Variants in EXTL1 observed in about 807,000 individuals in gnomAD.
The protein encoded by EXTL1 is exostosin-like 1.
EXTL1 carries 43 observed loss-of-function variants against 64.6 expected under a neutral mutation model. The observed-to-expected ratio is 0.67, with a 90% CI of 0.52 to 0.86. The LOEUF is 0.86. EXTL1 is among the 40% of genes least tolerant of loss of function. EXTL1 has a pLI of 0.00. For missense variants in EXTL1, 766 were observed against 879.0 expected (o/e 0.87, Z 1.62); for synonymous variants, 352 against 360.5 (o/e 0.98, Z 0.27).
chr1:26,030,339 T>G, intron 3 of EXTL1, 137 bp from the exon 4 acceptor site: 6 of 631,924 alleles, frequency 9.5e-6, no homozygotes, highest in Admixed American at 3.6e-5. Context: ...TCTTTTTTTT[T>G]TTTTTTTTTT....
chr1:26,030,063 T>C (rs2050265635), intron 3 of EXTL1, among the ~76,000 whole-genome samples: 1 of 152,140 alleles, frequency 6.6e-6, no homozygotes, highest in African/African-American at 2.4e-5. Flanking sequence ...AGCGCCTCCA[T>C]GGGGACTGGA....
chr1:26,030,318 C>T (rs1023671302), intron 3 of EXTL1, among the ~76,000 whole-genome samples, 158 bp from the exon 4 acceptor site: 3 of 151,648 alleles, frequency 2.0e-5, no homozygotes, highest in African/African-American at 7.3e-5. Context: ...TCTGTGTGAC[C>T]CCTGAATGCT....
At chr1:26,028,664 C>A (rs974165266) in intron 1 of EXTL1, among the ~76,000 whole-genome samples, 2 of 152,156 alleles carry the variant, frequency 1.3e-5, no homozygotes, top group African/African-American at 4.8e-5. Context: ...GCCAGGGGAC[C>A]TCTGGGCAGC....
chr1:26,035,976 G>C lies in EXTL1; in HGVS notation c.*629G>C, dbSNP rs531760543. 1.3e-5 allele frequency: 2 copies of C among 152,664 alleles called. No individual in the cohort carries two copies. The highest frequency in any genetic ancestry group is 2.9e-5 in the Non-Finnish European group (2 of 68,072). The allele number at this position is 152,664 out of a possible 1,614,324, so 9.5% of individuals were successfully genotyped here. A position where few individuals can be genotyped will look rare whatever the true frequency, so the allele number is the denominator to read the frequency against. On this transcript the variant is annotated 3_prime_UTR_variant, in exon 11 of 11. Coordinates refer to ENST00000374280, the MANE Select transcript of EXTL1 (RefSeq NM_004455.3). The surrounding 1 kb of genome is among the most constrained non-coding windows in gnomAD (Gnocchi z 5.3). ...GAAGGCAACTACCCAAAGACGCCTG[G>C]GTTGTCAGGCTCAATCCTTGAGCCT...
chr1:26,029,124 G>T, intron 1 of EXTL1, 69 bp from the exon 2 acceptor site: 1 of 1,178,344 alleles, frequency 8.5e-7, no homozygotes, highest in South Asian at 1.3e-5. Context: ...CTCCCATTGA[G>T]GGAGCCCAGG....
At chr1:26,024,243 A>C (rs893434534) in intron 1 of EXTL1, among the ~76,000 whole-genome samples, 2 of 152,128 alleles carry the variant, frequency 1.3e-5, no homozygotes, top group Non-Finnish European at 2.9e-5. Context: ...CTGTGTCCCC[A>C]GCAGGCCAGC....
chr1:26,030,334 T>A (rs2050268416), intron 3 of EXTL1, 142 bp from the exon 4 acceptor site: 1 of 488,524 alleles, frequency 2.0e-6, no homozygotes, highest in African/African-American at 2.0e-5. Context: ...ATGCTTCTTT[T>A]TTTTTTTTTT....
Position 26,035,160 on chromosome 1 carries a change from C to A in EXTL1, c.1849-5C>A. The A allele has an allele frequency of 6.2e-7, 1 of 1,600,080 alleles. No individual in the cohort carries two copies. The highest frequency in any genetic ancestry group is 8.5e-7 in the Non-Finnish European group (1 of 1,172,116). Reference sequence around the variant, plus strand: ...CCGTTAATGCATTGCTTCTTTCCCTCTTAGGCGCCTGGGGGCCCGGGGCCC... The same window carrying A: ...CCGTTAATGCATTGCTTCTTTCCCTATTAGGCGCCTGGGGGCCCGGGGCCC... On this transcript the variant is annotated splice_polypyrimidine_tract_variant and splice_region_variant and intron_variant, in intron 10 of 10. Transcript: ENST00000374280. The surrounding 1 kb of genome is among the most constrained non-coding windows in gnomAD (Gnocchi z 5.3).
Position 26,022,811 on chromosome 1 carries a change from G to A in EXTL1, c.165G>A (p.Leu55=), listed in dbSNP as rs780708824. The A allele has an allele frequency of 1.7e-5, 28 of 1,614,056 alleles. No homozygotes were observed. The Middle Eastern group carries it at 4.9e-4, about 29-fold the overall frequency. Residue 55 remains leucine (L), a synonymous_variant, in exon 1 of 11, where the codon CTG becomes CTA. Transcript: ENST00000374280. ...CCCGCTGGCTGGATGCAGAGCTCCT[G>A]CAGAGCTTCTCCCAGCCTGGAGAGC... The part of the protein sequence containing the change: ...GWPRWLDAEL[L]QSFSQPGELP...
chr1:26,028,241 C>T lies in EXTL1; in HGVS notation c.780-952C>T, dbSNP rs2050239731. On this transcript the variant is annotated intron_variant, in intron 1 of 10. Transcript: ENST00000374280. ...GGAGCTGGCAAATCTCTGCTCTAGT[C>T]CCAGCTCCACTCAACCCTATCTGTG... 3.9e-5 allele frequency among the ~76,000 whole-genome samples: 6 copies of T among 152,204 alleles called. 1 individual carries two copies. Among genetic ancestry groups the T allele is most frequent in the Admixed American group, 3.9e-4 (6 of 15,280 alleles).
intron 2 of EXTL1, 58 bp from the exon 3 acceptor site, chr1:26,029,541 CG>C (rs1004346232): frequency 5.9e-6 from 6 of 1,020,558 alleles, no homozygotes; most frequent in Admixed American, 4.0e-5. Flanking sequence ...TGGAACTGGG[CG>C]GGGGGTGAGT....
At position 26,022,365 on chromosome 1, in the gene EXTL1, G is replaced by T; in HGVS notation, c.-282G>T. 2 of 395,032 alleles carry T rather than the reference G, an allele frequency of 5.1e-6. No homozygotes were observed. The highest frequency in any genetic ancestry group is 4.5e-6 in the Non-Finnish European group (1 of 220,574). The allele number at this position is 395,032 out of a possible 1,614,324, so 24.5% of individuals were successfully genotyped here. A position where few individuals can be genotyped will look rare whatever the true frequency, so the allele number is the denominator to read the frequency against. On this transcript the variant is annotated 5_prime_UTR_variant, in exon 1 of 11. Transcript: ENST00000374280. The stretch of plus-strand genomic sequence containing the variant: ...AGGGGTCCCTGCTGGGAGGGAAAAG[G>T]CTGGCTTGGTTGTCCAAAGGCCGAG...
chr1:26,030,717 G>T, intron 4 of EXTL1, 122 bp downstream of exon 4: 1 of 1,121,554 alleles, frequency 8.9e-7, no homozygotes. Context: ...GATGGTCCTG[G>T]GATGAATCTG....
At chr1:26,029,394 C>T in intron 2 of EXTL1, 108 bp downstream of exon 2, 1 of 910,794 alleles carries the variant, frequency 1.1e-6, no homozygotes, top group Non-Finnish European at 1.8e-6. Context: ...CTGCCTGCTC[C>T]TTTACTCCTG....
chr1:26,033,974 G>A lies in EXTL1; in HGVS notation c.1679+118G>A, dbSNP rs557560496. The A allele has an allele frequency of 6.0e-6, 5 of 830,662 alleles. No individual in the cohort carries two copies. The highest frequency in any genetic ancestry group is 1.9e-5 in the African/African-American group (1 of 54,022). 51.5% of individuals were successfully genotyped at this position (830,662 alleles called of 1,614,324 possible). The stretch of plus-strand genomic sequence containing the variant: ...GGATCCAGGTTCAAGGCCGAGATCT[G>A]CCACTTCCCAGCTGTGGGATCCTGG... On this transcript the variant is annotated intron_variant, in intron 9 of 10. Transcript: ENST00000374280. This position sits in a 1 kb window ranked among gnomAD's most constrained non-coding sequence, Gnocchi z 5.1.
intron 7 of EXTL1, among the ~76,000 whole-genome samples, chr1:26,032,719 T>C (rs2050301246): frequency 6.6e-6 from 1 of 152,246 alleles, no homozygotes; most frequent in East Asian, 1.9e-4. Flanking sequence ...AGGAGAGCGC[T>C]GACATCTCAG....
intron 1 of EXTL1, among the ~76,000 whole-genome samples, chr1:26,024,863 C>A (rs1350604098): frequency 6.6e-6 from 1 of 152,142 alleles, no homozygotes; most frequent in African/African-American, 2.4e-5. Context: ...TATTGATGAA[C>A]CTGAAAGTGA....
chr1:26,035,644 T>G lies in EXTL1; in HGVS notation c.*297T>G. The G allele has an allele frequency of 3.0e-6, 1 of 329,960 alleles. No individual in the cohort carries two copies. The allele number at this position is 329,960 out of a possible 1,614,324, so 20.4% of individuals were successfully genotyped here. A position where few individuals can be genotyped will look rare whatever the true frequency, so the allele number is the denominator to read the frequency against. Reference sequence around the variant, plus strand: ...CAGAGCATTGTCTCCTCCAGGGACTTGCCTGGCCCTCCTCCCCCTCCGCCC... The same window carrying G: ...CAGAGCATTGTCTCCTCCAGGGACTGGCCTGGCCCTCCTCCCCCTCCGCCC... On this transcript the variant is annotated 3_prime_UTR_variant, in exon 11 of 11. Coordinates refer to ENST00000374280, the MANE Select transcript of EXTL1 (RefSeq NM_004455.3). The surrounding 1 kb of genome is among the most constrained non-coding windows in gnomAD (Gnocchi z 5.3).
In EXTL1 at chr1:26,022,266, C is replaced by T; in HGVS notation, c.-381C>T. On this transcript the variant is annotated 5_prime_UTR_variant, in exon 1 of 11. Coordinates refer to ENST00000374280, the MANE Select transcript of EXTL1 (RefSeq NM_004455.3). ...CAGTTGAGGGCAAGGTCAAGGGGTG[C>T]AGCCAGGAGGGCAGGGGGACACGGC... is the stretch of plus-strand genomic sequence containing the variant. The T allele has an allele frequency of 5.5e-6, 1 of 183,206 alleles. No individual in the cohort carries two copies. The highest frequency in any genetic ancestry group is 1.1e-5 in the Non-Finnish European group (1 of 89,204). The allele number at this position is 183,206 out of a possible 1,614,324, so 11.3% of individuals were successfully genotyped here. A position where few individuals can be genotyped will look rare whatever the true frequency, so the allele number is the denominator to read the frequency against.
Sources: allele counts gnomAD v4.1 joint callset (sites outside exome capture counted in the v4.1 genomes callset), GRCh38; gene constraint gnomAD v4.1.1; non-coding constraint Gnocchi (gnomAD v3.1); transcripts MANE v1.5; gene names NCBI Gene and HGNC (gene_info 2026-07-23, HGNC 2026-07-21).